KIAA1549L: variants seen among roughly 807,000 people sequenced by gnomAD.
The protein encoded by KIAA1549L is KIAA1549 like.
In KIAA1549L, 88 loss-of-function variants were observed where a neutral mutation model predicts 160.7. The observed-to-expected ratio is 0.55, with a 90% CI of 0.46 to 0.65. The LOEUF is 0.65. Ranked by LOEUF, KIAA1549L falls within the 30% of genes least tolerant of loss-of-function variation. KIAA1549L has a pLI of 0.00. For missense variants in KIAA1549L, 2,258 were observed against 2,437.5 expected, an observed-to-expected ratio of 0.93 and a Z score of 1.55; for synonymous variants, 950 against 976.7, an observed-to-expected ratio of 0.97 and a Z score of 0.51.
chr11:33,400,148 T>C (rs1021062562), intron 1 of KIAA1549L, among the ~76,000 whole-genome samples: 1 of 152,206 alleles, frequency 6.6e-6, no homozygotes, highest in African/African-American at 2.4e-5. Flanking sequence ...TTAAGAGTCA[T>C]TGGTACCTAC....
In KIAA1549L at chr11:33,542,759, A is replaced by G. The variant is rs1254066036; in HGVS notation, c.1196A>G (p.Asn399Ser). Residue 399 changes from asparagine to serine, a missense_variant, in exon 2 of 21, where the codon AAT becomes AGT. By Grantham distance (46) the Asn-to-Ser change is conservative. This residue lies in a region of KIAA1549L where 540 missense variants were observed against 465.7 expected (regional missense o/e 1.16). Transcript: ENST00000658780. ...GCTGGGGTGCCTGGAAGAGTGCACA[A>G]TGGGGTGTCTTTGCCAACTTTTAAG... ...IKAGVPGRVH[N>S]GVSLPTFKNT... 6.2e-7 allele frequency: 1 copy of G among 1,613,898 alleles called. No homozygotes were observed. The highest frequency in any genetic ancestry group is 8.5e-7 in the Non-Finnish European group (1 of 1,179,824).
intron 1 of KIAA1549L, among the ~76,000 whole-genome samples, chr11:33,508,634 G>A (rs766491672): frequency 2.6e-5 from 4 of 152,148 alleles, no homozygotes; most frequent in Non-Finnish European, 4.4e-5. Context: ...TCACATCCAC[G>A]TTCACCTCAT....
chr11:33,450,223 G>T (rs1851691857), intron 1 of KIAA1549L, among the ~76,000 whole-genome samples: 1 of 152,026 alleles, frequency 6.6e-6, no homozygotes, highest in African/African-American at 2.4e-5. Flanking sequence ...ATGAAAATGG[G>T]CGAGTTGGGC....
At chr11:33,640,513 A>G (rs1283417557) in intron 16 of KIAA1549L, among the ~76,000 whole-genome samples, 1 of 152,190 alleles carries the variant, frequency 6.6e-6, no homozygotes, top group Non-Finnish European at 1.5e-5. Flanking sequence ...CTCTCCTTGG[A>G]AGTGGAAGAA....
At chr11:33,513,864 A>G (rs1004967902) in intron 1 of KIAA1549L, among the ~76,000 whole-genome samples, 6 of 152,216 alleles carry the variant, frequency 3.9e-5, no homozygotes, top group African/African-American at 1.4e-4. Flanking sequence ...CCAGTGGACA[A>G]AGTGATAACC....
intron 11 of KIAA1549L, among the ~76,000 whole-genome samples, chr11:33,586,297 G>A (rs993462675): frequency 7.2e-5 from 11 of 152,226 alleles, no homozygotes; most frequent in Non-Finnish European, 1.6e-4. Flanking sequence ...ATGCTAAGCA[G>A]AGGAGGTGAG....
intron 6 of KIAA1549L, among the ~76,000 whole-genome samples, chr11:33,555,240 G>C (rs1461889520): frequency 1.3e-5 from 2 of 152,196 alleles, no homozygotes. Context: ...CTACCCAAAG[G>C]AATCTGAAGA....
intron 1 of KIAA1549L, among the ~76,000 whole-genome samples, chr11:33,390,021 T>C (rs1412577709): frequency 6.6e-6 from 1 of 152,254 alleles, no homozygotes; most frequent in Non-Finnish European, 1.5e-5. Flanking sequence ...CTATAATTAA[T>C]TGATAGAAAT....
intron 10 of KIAA1549L, among the ~76,000 whole-genome samples, chr11:33,576,688 T>C (rs1040299181): frequency 3.9e-5 from 6 of 152,152 alleles, no homozygotes; most frequent in Admixed American, 2.0e-4. Context: ...CGCAAGATAA[T>C]GATTCTGTGT....
Position 33,668,553 on chromosome 11 carries a change from T to C in KIAA1549L, c.*399T>C, listed in dbSNP as rs898153546. On this transcript the variant is annotated 3_prime_UTR_variant, in exon 21 of 21. Coordinates refer to ENST00000658780, the MANE Select transcript of KIAA1549L (RefSeq NM_012194.3). ...TTCGGTGACCTCTGCATGTTAACTCTGTTTCTGTGTTAAAGGCAATGCAGG... is the reference window on the plus strand; with the variant it reads ...TTCGGTGACCTCTGCATGTTAACTCCGTTTCTGTGTTAAAGGCAATGCAGG... The C allele has an allele frequency of 7.6e-5, 18 of 235,830 alleles. No homozygotes were observed. The highest frequency in any genetic ancestry group is 1.2e-4 in the Non-Finnish European group (14 of 118,626). The allele number at this position is 235,830 out of a possible 1,614,324, so 14.6% of individuals were successfully genotyped here. A position where few individuals can be genotyped will look rare whatever the true frequency, so the allele number is the denominator to read the frequency against.
chr11:33,502,719 A>C (rs1276245195), intron 1 of KIAA1549L, among the ~76,000 whole-genome samples: 2 of 152,244 alleles, frequency 1.3e-5, no homozygotes, highest in African/African-American at 4.8e-5. Context: ...TTTCATGGAA[A>C]GAGAATGAGC....
At chr11:33,590,409 T>C (rs1265222809) in intron 11 of KIAA1549L, among the ~76,000 whole-genome samples, 1 of 152,244 alleles carries the variant, frequency 6.6e-6, no homozygotes, top group African/African-American at 2.4e-5. Flanking sequence ...CTTTGGGGTG[T>C]AAAGCAAAAT....
At chr11:33,424,529 G>A (rs1399871739) in intron 1 of KIAA1549L, among the ~76,000 whole-genome samples, 2 of 152,092 alleles carry the variant, frequency 1.3e-5, no homozygotes, top group Admixed American at 1.3e-4. Context: ...GCATTGACAT[G>A]GTTAAATTCC....
At chr11:33,464,533 C>CA (rs938453039) in intron 1 of KIAA1549L, among the ~76,000 whole-genome samples, 1 of 143,180 alleles carries the variant, frequency 7.0e-6, no homozygotes, top group Non-Finnish European at 1.5e-5. Context: ...TGCCCCCCCC[C>CA]ACACACGCAT....
chr11:33,550,114 G>T (rs1330591290), intron 4 of KIAA1549L, among the ~76,000 whole-genome samples: 1 of 150,586 alleles, frequency 6.6e-6, no homozygotes, highest in Non-Finnish European at 1.5e-5. Flanking sequence ...GAAATGGATA[G>T]TAGTAATAGC....
At chr11:33,661,974 C>T (rs1368152296) in intron 20 of KIAA1549L, among the ~76,000 whole-genome samples, 3 of 150,436 alleles carry the variant, frequency 2.0e-5, no homozygotes, top group Non-Finnish European at 3.0e-5. Context: ...CTTTAATTTC[C>T]AAAACATTTA....
chr11:33,606,169 G>A (rs924908122), intron 13 of KIAA1549L, among the ~76,000 whole-genome samples: 15 of 152,102 alleles, frequency 9.9e-5, no homozygotes, highest in Non-Finnish European at 1.6e-4. Flanking sequence ...GTGGCTTGTT[G>A]ACCAAGAAAG....
At chr11:33,590,725 A>G (rs1037144104) in intron 11 of KIAA1549L, among the ~76,000 whole-genome samples, 1 of 152,240 alleles carries the variant, frequency 6.6e-6, no homozygotes, top group African/African-American at 2.4e-5. Flanking sequence ...GGGTGGTAGA[A>G]GTAAAGCAGA....
rs548236267 is a variant in KIAA1549L at position 33,578,161 on chromosome 11, C to T, written c.4402+3288C>T. Among the ~76,000 whole-genome samples, 11 of 152,174 alleles carry T rather than the reference C, an allele frequency of 7.2e-5. No homozygotes were observed. In the South Asian group the frequency reaches 2.1e-3, roughly 29 times the overall value. On this transcript the variant is annotated intron_variant, in intron 10 of 20. Transcript: ENST00000658780. ...TGAGGCTAAGGGACTTTGCTGGTGGCAGTTGATGGGAGCAGTGGACGGGGT... is the reference window on the plus strand; with the variant it reads ...TGAGGCTAAGGGACTTTGCTGGTGGTAGTTGATGGGAGCAGTGGACGGGGT...
Sources: allele counts gnomAD v4.1 joint callset (sites outside exome capture counted in the v4.1 genomes callset), GRCh38; gene constraint gnomAD v4.1.1; regional missense constraint gnomAD v4.1.1; transcripts MANE v1.5; gene names NCBI Gene and HGNC (gene_info 2026-07-23, HGNC 2026-07-21).